MARCHF1: variants seen among roughly 807,000 people sequenced by gnomAD.
MARCHF1 encodes membrane associated ring-CH-type finger 1, also known as E3 ubiquitin-protein ligase MARCHF1.
Under a neutral mutation model 54.2 loss-of-function variants are expected in MARCHF1, and 40 were observed. The observed-to-expected ratio is 0.74, with a 90% CI of 0.57 to 0.96. The LOEUF (loss-of-function observed/expected upper bound fraction) is 0.96. Among genes scored for constraint, MARCHF1 ranks in the 40% least tolerant of loss-of-function variants. The pLI is 0.00. For synonymous variants in MARCHF1, 236 were observed against 236.3 expected, an observed-to-expected ratio of 1.00 and a Z score of 0.01; for missense variants, 586 against 656.5, an observed-to-expected ratio of 0.89 and a Z score of 1.17.
At chr4:164,082,527 T>A (rs1349571170) in intron 2 of MARCHF1, among the ~76,000 whole-genome samples, 3 of 152,270 alleles carry the variant, frequency 2.0e-5, no homozygotes, top group East Asian at 3.9e-4. Flanking sequence ...AGCAGAGAGA[T>A]TAAAATTTTC....
chr4:163,632,603 C>T (rs547291312), intron 5 of MARCHF1, among the ~76,000 whole-genome samples: 68 of 152,304 alleles, frequency 4.5e-4, no homozygotes, highest in Middle Eastern at 3.4e-3. Flanking sequence ...CCTATGCCCA[C>T]GGAGTCTCGC....
chr4:163,714,664 A>G (rs926416795), intron 4 of MARCHF1, among the ~76,000 whole-genome samples: 1 of 151,972 alleles, frequency 6.6e-6, no homozygotes, highest in Non-Finnish European at 1.5e-5. Flanking sequence ...TTAACATGCT[A>G]TTTTATTTTT....
At chr4:163,775,754 G>A (rs1421934735) in intron 4 of MARCHF1, among the ~76,000 whole-genome samples, 3 of 152,084 alleles carry the variant, frequency 2.0e-5, no homozygotes, top group South Asian at 2.1e-4. Flanking sequence ...AGAAAACAGT[G>A]AGCAAATTGA....
At chr4:163,742,434 T>TTCCTTCCTTC (rs1181348530) in intron 4 of MARCHF1, among the ~76,000 whole-genome samples, 1 of 136,154 alleles carries the variant, frequency 7.3e-6, no homozygotes, top group African/African-American at 2.9e-5. Context: ...TTCCTTCCTT[T>TTCCTTCCTTC]TCTTTCTTTT....
At chr4:163,636,840 T>A (rs368298481) in intron 5 of MARCHF1, among the ~76,000 whole-genome samples, 18 of 152,196 alleles carry the variant, frequency 1.2e-4, no homozygotes, top group Non-Finnish European at 2.2e-4. Flanking sequence ...ACCTGACTTC[T>A]AACTATACTA....
chr4:163,605,077 AT>A (rs1741098050), intron 7 of MARCHF1, among the ~76,000 whole-genome samples: 1 of 152,104 alleles, frequency 6.6e-6, no homozygotes, highest in Non-Finnish European at 1.5e-5. Flanking sequence ...ATAAATAGTT[AT>A]TTTCTATATA....
intron 3 of MARCHF1, among the ~76,000 whole-genome samples, chr4:163,866,049 T>G (rs933968227): frequency 4.0e-5 from 6 of 151,630 alleles, no homozygotes; most frequent in African/African-American, 1.5e-4. Flanking sequence ...TCTAAAAGAG[T>G]TATATATTTT....
chr4:164,239,262 G>T (rs1732657262), intron 1 of MARCHF1, among the ~76,000 whole-genome samples: 1 of 152,048 alleles, frequency 6.6e-6, no homozygotes, highest in South Asian at 2.1e-4. Flanking sequence ...GATGTGTCAT[G>T]ATCAAAGTAT....
chr4:164,303,484 T>C (rs1035097987), intron 1 of MARCHF1, among the ~76,000 whole-genome samples: 1 of 152,310 alleles, frequency 6.6e-6, no homozygotes, highest in South Asian at 2.1e-4. Flanking sequence ...TAGCCTTTGA[T>C]AGGATTAAAT....
chr4:163,893,237 C>T (rs995616240), intron 3 of MARCHF1, among the ~76,000 whole-genome samples: 1 of 152,088 alleles, frequency 6.6e-6, no homozygotes, highest in African/African-American at 2.4e-5. Context: ...CCTTCCAGTT[C>T]AAGCAATTCT....
At chr4:163,707,992 G>T (rs7684918) in intron 4 of MARCHF1, among the ~76,000 whole-genome samples, 49,137 of 151,476 alleles carry the variant, frequency 0.32, 9,924 homozygotes, top group Non-Finnish European at 0.46. Context: ...AAACTAGAAG[G>T]CTAGAAAAGG....
chr4:164,015,195 C>T (rs1191010387), intron 2 of MARCHF1, among the ~76,000 whole-genome samples: 8 of 152,046 alleles, frequency 5.3e-5, no homozygotes, highest in African/African-American at 9.7e-5. Flanking sequence ...CAAGGACATA[C>T]GATGGGTAAA....
chr4:163,900,754 C>T (rs191096043), intron 3 of MARCHF1, among the ~76,000 whole-genome samples: 139 of 152,170 alleles, frequency 9.1e-4, no homozygotes, highest in Non-Finnish European at 1.8e-3. Flanking sequence ...TATTAGGAAT[C>T]TTTCTTGTGC....
At chr4:164,112,405 T>C (rs1755852739) in intron 1 of MARCHF1, among the ~76,000 whole-genome samples, 1 of 151,930 alleles carries the variant, frequency 6.6e-6, no homozygotes, top group African/African-American at 2.4e-5. Context: ...ATCCATATCT[T>C]ATAATCTCTC....
chr4:163,568,831 T>C (rs1321913155), intron 8 of MARCHF1, among the ~76,000 whole-genome samples: 4 of 152,122 alleles, frequency 2.6e-5, no homozygotes, highest in Admixed American at 1.3e-4. Context: ...TAGACATATC[T>C]GTTGGGCCTG....
chr4:164,011,053 A>C (rs952359062), intron 2 of MARCHF1, among the ~76,000 whole-genome samples: 2 of 152,324 alleles, frequency 1.3e-5, no homozygotes, highest in Admixed American at 6.5e-5. Flanking sequence ...AAAAACCTGG[A>C]TAATGACATT....
At chr4:164,067,150 C>G (rs1754748365) in intron 2 of MARCHF1, among the ~76,000 whole-genome samples, 1 of 152,102 alleles carries the variant, frequency 6.6e-6, no homozygotes, top group South Asian at 2.1e-4. Flanking sequence ...TTGATCATTA[C>G]AATGTCCATA....
At chr4:163,836,541 G>A (rs1051393279) in intron 4 of MARCHF1, among the ~76,000 whole-genome samples, 20 of 12,130 alleles carry the variant, frequency 1.6e-3, no homozygotes, top group African/African-American at 2.8e-3. Flanking sequence ...CACCGCGCCC[G>A]GCTAATTTAT....
At chr4:163,674,805 T>C (rs77338901) in intron 5 of MARCHF1, among the ~76,000 whole-genome samples, 2,593 of 152,300 alleles carry the variant, frequency 0.017, 54 homozygotes, top group East Asian at 0.082. Flanking sequence ...ATTGCAGCAA[T>C]ATGAAATCAG....
Sources: allele counts gnomAD v4.1 joint callset (sites outside exome capture counted in the v4.1 genomes callset), GRCh38; gene constraint gnomAD v4.1.1; transcripts MANE v1.5; gene names NCBI Gene and HGNC (gene_info 2026-07-23, HGNC 2026-07-21).